Variants in NUP98 observed in about 807,000 individuals in gnomAD.
The protein encoded by NUP98 is nuclear pore complex protein Nup98-Nup96.
Under a neutral mutation model 191.9 loss-of-function variants are expected in NUP98, and 26 were observed. That is an observed-to-expected ratio of 0.14 (90% confidence interval 0.10 to 0.19). NUP98 has a LOEUF of 0.19. NUP98 is among the 10% of genes least tolerant of loss of function. The probability of loss-of-function intolerance (pLI) is 1.00; values close to 1 mark genes in which losing one functional copy is unlikely to be tolerated. For synonymous variants in NUP98, 808 were observed against 778.4 expected (o/e 1.04, Z -0.63); for missense variants, 1,941 against 2,178.8 (o/e 0.89, Z 2.17).
intron 1 of NUP98, 49 bp downstream of exon 1, chr11:3,797,351 G>A (rs1477643541): frequency 2.5e-6 from 1 of 400,360 alleles, no homozygotes; most frequent in Non-Finnish European, 4.4e-6. Context: ...CCCGGAAGGG[G>A]GGAGAAACCT....
intron 18 of NUP98, among the ~76,000 whole-genome samples, chr11:3,716,281 G>A (rs2079177726): frequency 6.6e-6 from 1 of 151,760 alleles, no homozygotes; most frequent in Admixed American, 6.6e-5. Flanking sequence ...TTTTGTATGT[G>A]GATATCCAGT....
intron 16 of NUP98, chr11:3,721,084 C>A: frequency 4.5e-6 from 1 of 224,016 alleles, no homozygotes; most frequent in Non-Finnish European, 8.6e-6. Flanking sequence ...CAGTAAATAG[C>A]CTATTAAACT....
intron 13 of NUP98, 40 bp from the exon 14 acceptor site, chr11:3,731,618 T>A: frequency 1.4e-6 from 2 of 1,429,990 alleles, no homozygotes; most frequent in Non-Finnish European, 1.9e-6. Context: ...TGGTTTACTT[T>A]AAATGTACTG....
Position 3,731,455 on chromosome 11 carries a change from A to C in NUP98, c.1666T>G (p.Ser556Ala), listed in dbSNP as rs540720469. The part of the protein sequence containing the change: ...KALQTTGTAK[S>A]HLFDGLDDDE... Reference sequence around the variant, plus strand: ...TCATCCAGCCCATCAAAGAGATGTGACTTGGCTGTGCCTGTTGTTTGTAAA... The same window carrying C: ...TCATCCAGCCCATCAAAGAGATGTGCCTTGGCTGTGCCTGTTGTTTGTAAA... The change falls in exon 14 of 33, where the codon TCA (serine) becomes GCA (alanine). Residue 556 changes from serine to alanine, a missense_variant. By Grantham distance (99) the Ser-to-Ala change is moderately conservative. Around this residue, in one of 6 missense-constraint regions of NUP98, gnomAD observed 453 missense variants for 438.2 expected, o/e 1.03. Coordinates refer to ENST00000324932, the MANE Select transcript of NUP98 (RefSeq NM_016320.5). The C allele has an allele frequency of 1.2e-6, 2 of 1,608,414 alleles. No individual in the cohort carries two copies. The highest frequency in any genetic ancestry group is 3.4e-5 in the Admixed American group (2 of 59,342).
chr11:3,709,052 A>T (rs559598046), intron 20 of NUP98, among the ~76,000 whole-genome samples: 16 of 152,358 alleles, frequency 1.1e-4, no homozygotes, highest in African/African-American at 3.8e-4. Flanking sequence ...AAGGCTGCCA[A>T]TACCTAACGA....
intron 8 of NUP98, among the ~76,000 whole-genome samples, chr11:3,764,034 G>C (rs901939841): frequency 2.0e-5 from 3 of 152,166 alleles, no homozygotes; most frequent in Non-Finnish European, 4.4e-5. Flanking sequence ...CTCATTTACA[G>C]TGGACTATTC....
intron 17 of NUP98, among the ~76,000 whole-genome samples, chr11:3,720,189 T>C (rs1295210227): frequency 6.6e-6 from 1 of 152,220 alleles, no homozygotes; most frequent in Non-Finnish European, 1.5e-5. Flanking sequence ...TTAAAATGCC[T>C]GAGCTCTTTT....
At chr11:3,723,715 A>C (rs2079497136) in intron 15 of NUP98, among the ~76,000 whole-genome samples, 1 of 152,042 alleles carries the variant, frequency 6.6e-6, no homozygotes, top group African/African-American at 2.4e-5. Flanking sequence ...TTAAGATTAC[A>C]ATCAACAAAA....
At position 3,675,411 on chromosome 11, in the gene NUP98, CAG is replaced by C. The variant is rs1022434329; in HGVS notation, c.*746_*747del. On this transcript the variant is annotated 3_prime_UTR_variant, in exon 33 of 33. Transcript: ENST00000324932. The stretch of plus-strand genomic sequence containing the variant: ...TCCAAACTCTGCAGGCAAATCCAGA[CAG>C]AGTCTCAGCAAGACTGAAAACCAGG... 2.3e-5 allele frequency: 5 copies of C among 216,910 alleles called. No individual in the cohort carries two copies. Among genetic ancestry groups the C allele is most frequent in the Non-Finnish European group, 4.4e-5 (5 of 113,562 alleles). 13.4% of individuals were successfully genotyped at this position (216,910 alleles called of 1,614,324 possible).
intron 12 of NUP98, 49 bp downstream of exon 12, chr11:3,744,460 A>G: frequency 6.4e-7 from 1 of 1,562,100 alleles, no homozygotes; most frequent in South Asian, 1.2e-5. Flanking sequence ...CAGGTCAGCA[A>G]GTATTAGCAA....
At chr11:3,683,108 T>C (rs2078026874) in intron 30 of NUP98, 92 bp downstream of exon 30, 2 of 1,548,966 alleles carry the variant, frequency 1.3e-6, no homozygotes, top group Non-Finnish European at 1.8e-6. Context: ...ATGTCCTACG[T>C]TGAGTCTTAT....
At chr11:3,780,551 AAAAAAAAAAAAG>A (rs1160137130) in intron 2 of NUP98, among the ~76,000 whole-genome samples, 1 of 147,482 alleles carries the variant, frequency 6.8e-6, no homozygotes, top group Non-Finnish European at 1.5e-5. Flanking sequence ...CAAAAAAAAA[AAAAAAAAAAAAG>A]AAAAAGAAAA....
At chr11:3,707,416 C>T (rs2078891675) in intron 20 of NUP98, among the ~76,000 whole-genome samples, 2 of 151,930 alleles carry the variant, frequency 1.3e-5, no homozygotes, top group Non-Finnish European at 1.5e-5. Flanking sequence ...AAAATGTTAG[C>T]AAATGACTAA....
intron 4 of NUP98, 99 bp from the exon 5 acceptor site, chr11:3,776,120 CA>C (rs1051622827): frequency 1.0e-5 from 6 of 579,060 alleles, no homozygotes; most frequent in African/African-American, 9.6e-5. Context: ...CACAGTACTT[CA>C]TTTTTTTTTT....
rs149745537 is a variant in NUP98 at position 3,788,674 on chromosome 11, G to A, written c.-28-6529C>T. ...AGAATCACTGTATAAGGCTGGGCAC[G>A]GTGGCTCACGCATGTAATCGCACCA... On this transcript the variant is annotated intron_variant, in intron 1 of 32. Coordinates refer to ENST00000324932, the MANE Select transcript of NUP98 (RefSeq NM_016320.5). Among the ~76,000 whole-genome samples, 332 of 152,248 alleles carry A rather than the reference G, an allele frequency of 2.2e-3. 3 individuals carry two copies. The highest frequency in any genetic ancestry group is 7.5e-3 in the African/African-American group (310 of 41,570).
Position 3,765,177 on chromosome 11 carries a change from T to C in NUP98, c.949-2138A>G, listed in dbSNP as rs1421768506. On this transcript the variant is annotated intron_variant, in intron 8 of 32. Coordinates refer to ENST00000324932, the MANE Select transcript of NUP98 (RefSeq NM_016320.5). ...ACTTTGATGATATCCCTTTGATATA[T>C]AAATGTTTTTCTGCCATCTTTGTTT... 1.3e-5 allele frequency among the ~76,000 whole-genome samples: 2 copies of C among 152,216 alleles called. 1 individual carries two copies. Among genetic ancestry groups the C allele is most frequent in the South Asian group, 4.1e-4 (2 of 4,836 alleles).
At position 3,675,863 on chromosome 11, in the gene NUP98, TG is replaced by T. The variant is rs1163282344; in HGVS notation, c.*295del. 2 of 450,706 alleles carry T rather than the reference TG, an allele frequency of 4.4e-6. No homozygotes were observed. Among genetic ancestry groups the T allele is most frequent in the African/African-American group, 3.9e-5 (2 of 51,536 alleles). The allele number at this position is 450,706 out of a possible 1,614,324, so 27.9% of individuals were successfully genotyped here. A position where few individuals can be genotyped will look rare whatever the true frequency, so the allele number is the denominator to read the frequency against. On this transcript the variant is annotated 3_prime_UTR_variant, in exon 33 of 33. Coordinates refer to ENST00000324932, the MANE Select transcript of NUP98 (RefSeq NM_016320.5). ...GGCTAGGGATGGAAAAAGAATACCC[TG>T]GTTCTTTGGGGGATTCTGCCAAAGG...
At chr11:3,722,727 G>A (rs2079450342) in intron 16 of NUP98, among the ~76,000 whole-genome samples, 1 of 151,962 alleles carries the variant, frequency 6.6e-6, no homozygotes, top group African/African-American at 2.4e-5. Context: ...GAGATGAGAG[G>A]TCCTGATCCC....
chr11:3,704,015 G>A (rs2078787394), intron 22 of NUP98, among the ~76,000 whole-genome samples: 1 of 152,018 alleles, frequency 6.6e-6, no homozygotes, highest in Non-Finnish European at 1.5e-5. Context: ...ACCAGTGCCT[G>A]TTTCCCAATT....
Sources: gnomAD v4.1 joint callset for allele counts (sites outside exome capture counted in the v4.1 genomes callset) on GRCh38, gnomAD v4.1.1 for gene constraint, gnomAD v4.1.1 regional missense constraint, MANE v1.5 for transcripts, NCBI Gene and HGNC (gene_info 2026-07-23, HGNC 2026-07-21) for gene names.